The following DSCAML1 variants were observed in gnomAD, a reference collection of about 807,000 sequenced individuals.
DSCAML1 encodes the protein DS cell adhesion molecule like 1, also known as cell adhesion molecule DSCAML1.
Under a neutral mutation model 200.5 loss-of-function variants are expected in DSCAML1, and 38 were observed. The ratio of observed to expected loss-of-function variants is 0.19; its 90% CI spans 0.15 to 0.25. DSCAML1 has a LOEUF of 0.25. DSCAML1 is among the 10% of genes least tolerant of loss of function. DSCAML1 has a pLI of 1.00. For synonymous variants in DSCAML1, 1,215 were observed against 1,165.0 expected, an observed-to-expected ratio of 1.04 and a Z score of -0.87; for missense variants, 2,223 against 2,858.8, an observed-to-expected ratio of 0.78 and a Z score of 5.07.
In DSCAML1 at chr11:117,793,149, T is replaced by C. The variant is rs936200742; in HGVS notation, c.46+3885A>G. ...CTGGCTAGGTGAGCATGCAAATCCA[T>C]ATGCAGATTATATGCAAATCTGGGG... On this transcript the variant is annotated intron_variant, in intron 1 of 32. Transcript: ENST00000651296. 2.0e-5 allele frequency among the ~76,000 whole-genome samples: 3 copies of C among 152,140 alleles called. 1 individual carries two copies. Among genetic ancestry groups the C allele is most frequent in the Admixed American group, 2.0e-4 (3 of 15,278 alleles).
intron 3 of DSCAML1, among the ~76,000 whole-genome samples, chr11:117,617,166 G>A (rs1460607383): frequency 6.6e-6 from 1 of 152,206 alleles, no homozygotes; most frequent in Non-Finnish European, 1.5e-5. Flanking sequence ...GCACTGAAAA[G>A]TCACACAGCT....
chr11:117,566,261 A>T (rs1259958321), intron 3 of DSCAML1, among the ~76,000 whole-genome samples: 2 of 152,140 alleles, frequency 1.3e-5, no homozygotes, highest in African/African-American at 4.8e-5. Flanking sequence ...TGTACAGACA[A>T]AACAGAAGCT....
intron 3 of DSCAML1, among the ~76,000 whole-genome samples, chr11:117,712,906 C>G (rs1381177258): frequency 1.3e-5 from 2 of 152,056 alleles, no homozygotes; most frequent in South Asian, 2.1e-4. Context: ...TGAGTGTGCT[C>G]ATTCCTCAGG....
At chr11:117,771,388 C>T (rs546182177) in intron 3 of DSCAML1, among the ~76,000 whole-genome samples, 146 of 152,296 alleles carry the variant, frequency 9.6e-4, no homozygotes, top group African/African-American at 3.3e-3. Flanking sequence ...ACAGAGCCAG[C>T]GCCCAACAAA....
At position 117,504,263 on chromosome 11, in the gene DSCAML1, A is replaced by T. The variant is rs1434349670; in HGVS notation, c.2183-242T>A. Among the ~76,000 whole-genome samples the T allele has an allele frequency of 6.6e-6, 1 of 152,204 alleles. No homozygotes were observed. The highest frequency in any genetic ancestry group is 1.5e-5 in the Non-Finnish European group (1 of 68,034). On this transcript the variant is annotated intron_variant, in intron 10 of 32. Coordinates refer to ENST00000651296, the MANE Select transcript of DSCAML1 (RefSeq NM_020693.4). This position sits in a 1 kb window ranked among gnomAD's most constrained non-coding sequence, Gnocchi z 5.0. ...AGATGGGGTTGGGAGTCTCAGCTCA[A>T]TGCCCACTTTGACACTGGCATGGAG...
rs575270787 is a variant in DSCAML1 at position 117,810,081 on chromosome 11, G to A, written c.-250+7309C>T. On this transcript the variant is annotated intron_variant, in intron 1 of 2. Coordinates refer to the DSCAML1 transcript ENST00000525836. Reference sequence around the variant, plus strand: ...CATTCACACACTCACTTACACATTCGCACACACATACACACATTCACATAC... The same window carrying A: ...CATTCACACACTCACTTACACATTCACACACACATACACACATTCACATAC... 2.0e-4 allele frequency among the ~76,000 whole-genome samples: 31 copies of A among 151,310 alleles called. No individual in the cohort carries two copies. The South Asian group carries it at 3.8e-3, about 18-fold the overall frequency.
At chr11:117,529,265 A>G (rs1274460650) in intron 4 of DSCAML1, among the ~76,000 whole-genome samples, 3 of 152,074 alleles carry the variant, frequency 2.0e-5, no homozygotes, top group Non-Finnish European at 4.4e-5. Flanking sequence ...TTTAGTAAAG[A>G]TGGGGTTTTG....
chr11:117,637,802 C>G (rs900472000), intron 3 of DSCAML1, among the ~76,000 whole-genome samples: 2 of 152,218 alleles, frequency 1.3e-5, no homozygotes, highest in African/African-American at 4.8e-5. Flanking sequence ...TGGCTTCCCC[C>G]CAAAAGCCAA....
intron 3 of DSCAML1, among the ~76,000 whole-genome samples, chr11:117,629,205 G>A (rs1231699200): frequency 6.6e-6 from 1 of 152,198 alleles, no homozygotes; most frequent in Non-Finnish European, 1.5e-5. Context: ...CAACAGAAAG[G>A]AGACCTGGTT....
At chr11:117,623,357 C>T (rs986063632) in intron 3 of DSCAML1, among the ~76,000 whole-genome samples, 1 of 151,846 alleles carries the variant, frequency 6.6e-6, no homozygotes, top group Non-Finnish European at 1.5e-5. Context: ...GCTGGGATTA[C>T]AGGAGTGCGC....
intron 3 of DSCAML1, among the ~76,000 whole-genome samples, chr11:117,587,594 C>T (rs2051174969): frequency 6.6e-6 from 1 of 152,184 alleles, no homozygotes; most frequent in African/African-American, 2.4e-5. Context: ...GTTCATGACT[C>T]CTCTGCTGCC....
intron 3 of DSCAML1, among the ~76,000 whole-genome samples, chr11:117,582,434 C>A (rs1022607153): frequency 6.6e-6 from 1 of 152,242 alleles, no homozygotes; most frequent in Admixed American, 6.5e-5. Flanking sequence ...CCGGTTCCTC[C>A]AGCCCACATG....
chr11:117,713,847 G>A (rs1184719431), intron 3 of DSCAML1, among the ~76,000 whole-genome samples: 1 of 152,138 alleles, frequency 6.6e-6, no homozygotes, highest in Non-Finnish European at 1.5e-5. Context: ...CAGCACCCCA[G>A]ACACTACTAC....
At chr11:117,729,113 C>A (rs1190374557) in intron 3 of DSCAML1, among the ~76,000 whole-genome samples, 1 of 152,180 alleles carries the variant, frequency 6.6e-6, no homozygotes, top group Non-Finnish European at 1.5e-5. Context: ...CATAAACCCT[C>A]ACAAATAGGG....
intron 3 of DSCAML1, among the ~76,000 whole-genome samples, chr11:117,712,621 T>C (rs1474282475): frequency 6.6e-6 from 1 of 152,162 alleles, no homozygotes; most frequent in Admixed American, 6.5e-5. Context: ...TTTTTATTAT[T>C]ATTAAAGCAC....
chr11:117,686,574 T>C (rs1272428510), intron 3 of DSCAML1, among the ~76,000 whole-genome samples: 5 of 152,230 alleles, frequency 3.3e-5, no homozygotes, highest in African/African-American at 1.2e-4. Flanking sequence ...CTCCTCTCCT[T>C]GCAAAGTTCT....
intron 4 of DSCAML1, among the ~76,000 whole-genome samples, chr11:117,526,771 T>G (rs556991557): frequency 7.2e-5 from 11 of 152,232 alleles, no homozygotes; most frequent in African/African-American, 2.2e-4. Flanking sequence ...CCGCCTCGGC[T>G]TCCCAAAGTG....
In DSCAML1 at chr11:117,780,566, G is replaced by A. The variant is rs149771950; in HGVS notation, c.291C>T (p.His97=). 9.4e-5 allele frequency: 146 copies of A among 1,557,214 alleles called. 1 individual carries two copies. In the East Asian group the frequency reaches 3.3e-3, roughly 35 times the overall value. The change falls in exon 2 of 33, where the codon CAC becomes CAT. Residue 97 remains histidine (H), a synonymous_variant. Coordinates refer to ENST00000651296, the MANE Select transcript of DSCAML1 (RefSeq NM_020693.4). The surrounding 1 kb of genome is among the most constrained non-coding windows in gnomAD (Gnocchi z 4.8). ...FSPSAFNSFI[H]DNDYFCTAEN... ...CCGCGGTGCAGAAGTAGTCATTGTC[G>A]TGGATAAAGCTATTGAAGGCGGAGG... is the stretch of plus-strand genomic sequence containing the variant.
At chr11:117,591,660 A>T (rs532767118) in intron 3 of DSCAML1, among the ~76,000 whole-genome samples, 1 of 152,230 alleles carries the variant, frequency 6.6e-6, no homozygotes, top group East Asian at 1.9e-4. Context: ...CCTCTTCATA[A>T]ATTATCCCGG....
Sources: gnomAD v4.1 joint callset for allele counts (sites outside exome capture counted in the v4.1 genomes callset) on GRCh38, gnomAD v4.1.1 for gene constraint, Gnocchi (gnomAD v3.1) non-coding constraint, MANE v1.5 for transcripts, NCBI Gene and HGNC (gene_info 2026-07-23, HGNC 2026-07-21) for gene names.